Variants in PLCL2 observed in about 807,000 individuals in gnomAD.
PLCL2 encodes inactive phospholipase C-like protein 2.
A neutral mutation model predicts 79.6 loss-of-function variants in PLCL2; 4 were observed. The ratio of observed to expected loss-of-function variants is 0.05; its 90% CI spans 0.02 to 0.11. PLCL2 has a LOEUF of 0.11. Ranked by LOEUF, PLCL2 falls within the 10% of genes least tolerant of loss-of-function variation. The pLI is 1.00. For missense variants in PLCL2, 895 were observed against 1,291.0 expected (o/e 0.69, Z 4.70); for synonymous variants, 484 against 457.7 (o/e 1.06, Z -0.73).
intron 3 of PLCL2, among the ~76,000 whole-genome samples, chr3:17,037,232 G>A (rs898120952): frequency 5.9e-5 from 9 of 152,190 alleles, no homozygotes; most frequent in Admixed American, 5.2e-4. Context: ...GCCTGGTGGT[G>A]CCTGAAGCCA....
intron 3 of PLCL2, among the ~76,000 whole-genome samples, chr3:17,041,503 C>G (rs1429092873): frequency 6.6e-6 from 1 of 152,116 alleles, no homozygotes; most frequent in Non-Finnish European, 1.5e-5. Context: ...AGCTAGTACA[C>G]TTTTTAAGAG....
intron 1 of PLCL2, among the ~76,000 whole-genome samples, chr3:16,901,804 T>C (rs537251892): frequency 1.9e-4 from 29 of 152,300 alleles, no homozygotes; most frequent in African/African-American, 7.0e-4. Flanking sequence ...AACTCTCTTC[T>C]CCCTGTTTTC....
intron 5 of PLCL2, among the ~76,000 whole-genome samples, chr3:17,089,397 C>A (rs1245065492): frequency 6.6e-6 from 1 of 151,628 alleles, no homozygotes; most frequent in Non-Finnish European, 1.5e-5. Flanking sequence ...TTTAATCAAA[C>A]CTTAAAAGGG....
intron 4 of PLCL2, among the ~76,000 whole-genome samples, chr3:17,062,981 A>AG (rs1187472262): frequency 2.0e-5 from 3 of 151,896 alleles, no homozygotes; most frequent in Non-Finnish European, 4.4e-5. Context: ...GGCTTTCCAT[A>AG]GGTCCAGCAG....
chr3:17,054,204 G>A (rs976172377), intron 4 of PLCL2, among the ~76,000 whole-genome samples: 3 of 152,106 alleles, frequency 2.0e-5, no homozygotes, highest in Admixed American at 1.3e-4. Flanking sequence ...GATCCCTAGA[G>A]CAGGGATACA....
intron 1 of PLCL2, among the ~76,000 whole-genome samples, chr3:16,980,847 T>C (rs1017252559): frequency 4.8e-4 from 73 of 152,280 alleles, no homozygotes; most frequent in African/African-American, 1.6e-3. Context: ...CTGGGCACCA[T>C]TGAGCACTGA....
intron 3 of PLCL2, among the ~76,000 whole-genome samples, chr3:17,018,503 G>A (rs2064410481): frequency 6.6e-6 from 1 of 152,098 alleles, no homozygotes; most frequent in Non-Finnish European, 1.5e-5. Flanking sequence ...TAATGGAAGT[G>A]ACCCTTGAGT....
At chr3:16,993,904 G>T (rs1418407775) in intron 1 of PLCL2, among the ~76,000 whole-genome samples, 2 of 152,110 alleles carry the variant, frequency 1.3e-5, no homozygotes, top group African/African-American at 4.8e-5. Flanking sequence ...CATATGTTCT[G>T]TGGCATATTA....
At chr3:17,032,760 A>G (rs897298555) in intron 3 of PLCL2, among the ~76,000 whole-genome samples, 1 of 152,200 alleles carries the variant, frequency 6.6e-6, no homozygotes, top group Non-Finnish European at 1.5e-5. Flanking sequence ...TATTTCATGA[A>G]TGTTATGCTG....
intron 1 of PLCL2, among the ~76,000 whole-genome samples, chr3:16,899,716 G>A (rs896472223): frequency 6.6e-6 from 1 of 152,022 alleles, no homozygotes; most frequent in Non-Finnish European, 1.5e-5. Flanking sequence ...CTTGGGAAGA[G>A]CTCTTGGTCT....
intron 1 of PLCL2, among the ~76,000 whole-genome samples, chr3:16,985,081 A>G (rs1225141867): frequency 6.6e-6 from 1 of 152,142 alleles, no homozygotes; most frequent in Non-Finnish European, 1.5e-5. Context: ...TCATTTTCAA[A>G]GAGAATTGTT....
intron 1 of PLCL2, among the ~76,000 whole-genome samples, chr3:16,949,701 G>A (rs77425173): frequency 0.028 from 4,241 of 152,174 alleles, 98 homozygotes; most frequent in Non-Finnish European, 0.042. Flanking sequence ...TGCTGTTGCC[G>A]TCTTGAAAGT....
chr3:16,891,684 GATT>G (rs1696354069), intron 1 of PLCL2, among the ~76,000 whole-genome samples: 1 of 152,218 alleles, frequency 6.6e-6, no homozygotes, highest in Non-Finnish European at 1.5e-5. Context: ...GCTGTGACAA[GATT>G]ATTAATAGTG....
intron 5 of PLCL2, among the ~76,000 whole-genome samples, chr3:17,076,295 G>A (rs1210122891): frequency 6.6e-6 from 1 of 151,746 alleles, no homozygotes; most frequent in Non-Finnish European, 1.5e-5. Context: ...TGTTTCTTCT[G>A]CTTGGGGTTG....
intron 1 of PLCL2, among the ~76,000 whole-genome samples, chr3:16,976,368 T>C (rs1248370190): frequency 4.6e-5 from 7 of 152,102 alleles, no homozygotes; most frequent in Admixed American, 4.6e-4. Context: ...TGTTCAGTCT[T>C]AAATTCAAAG....
intron 1 of PLCL2, among the ~76,000 whole-genome samples, chr3:16,996,218 C>G (rs1194590481): frequency 6.6e-6 from 1 of 152,094 alleles, no homozygotes; most frequent in African/African-American, 2.4e-5. Context: ...CACTCAAGAA[C>G]TGGCAGAAGT....
intron 1 of PLCL2, among the ~76,000 whole-genome samples, chr3:16,957,244 G>T (rs2063714594): frequency 6.6e-6 from 1 of 152,114 alleles, no homozygotes; most frequent in African/African-American, 2.4e-5. Context: ...GTTCTCGTTG[G>T]TTTCAAAGAA....
intron 1 of PLCL2, among the ~76,000 whole-genome samples, chr3:16,948,853 T>G (rs1230449812): frequency 6.6e-6 from 1 of 152,152 alleles, no homozygotes; most frequent in African/African-American, 2.4e-5. Context: ...TTTGAAAAAA[T>G]CCAGTATGTT....
intron 1 of PLCL2, among the ~76,000 whole-genome samples, chr3:16,915,595 T>G (rs1012549314): frequency 6.6e-6 from 1 of 152,196 alleles, no homozygotes; most frequent in Non-Finnish European, 1.5e-5. Context: ...TCCTTTTAAT[T>G]TTATTATTTT....
Sources: allele counts gnomAD v4.1 joint callset (sites outside exome capture counted in the v4.1 genomes callset), GRCh38; gene constraint gnomAD v4.1.1; transcripts MANE v1.5; gene names NCBI Gene and HGNC (gene_info 2026-07-23, HGNC 2026-07-21).